Variants in GRIP1 observed in about 807,000 individuals in gnomAD.
The protein encoded by GRIP1 is glutamate receptor interacting protein 1, also known as glutamate receptor-interacting protein 1.
GRIP1 carries 45 observed loss-of-function variants against 129.9 expected under a neutral mutation model. That is an observed-to-expected ratio of 0.35 (90% CI 0.27 to 0.44). The LOEUF (loss-of-function observed/expected upper bound fraction) is 0.44. Ranked by LOEUF, GRIP1 falls within the 20% of genes least tolerant of loss-of-function variation. GRIP1 has a pLI of 1.00. For synonymous variants in GRIP1, 530 were observed against 520.8 expected (o/e 1.02, Z -0.24); for missense variants, 1,196 against 1,396.8 (o/e 0.86, Z 2.29).
At chr12:66,749,116 C>A (rs747838565) in intron 1 of GRIP1, among the ~76,000 whole-genome samples, 2 of 152,144 alleles carry the variant, frequency 1.3e-5, no homozygotes, top group Admixed American at 6.6e-5. Context: ...TTATAGAACC[C>A]CTGATTTTAG....
chr12:66,706,103 TCA>T (rs2136375908), intron 1 of GRIP1, among the ~76,000 whole-genome samples: 3 of 152,216 alleles, frequency 2.0e-5, no homozygotes, highest in South Asian at 2.1e-4. Context: ...GAAACTAGCA[TCA>T]GAGTGAACAA....
intron 1 of GRIP1, among the ~76,000 whole-genome samples, chr12:66,612,269 G>C (rs549783696): frequency 1.3e-5 from 2 of 152,162 alleles, no homozygotes; most frequent in Admixed American, 1.3e-4. Context: ...ACACACCTAG[G>C]CTATATATTA....
rs1032449052 is a variant in GRIP1 at position 66,574,933 on chromosome 12, A to AT, written c.136+21913dup. Among the ~76,000 whole-genome samples, 644 of 147,086 alleles carry AT rather than the reference A, an allele frequency of 4.4e-3. 3 individuals carry two copies. The highest frequency in any genetic ancestry group is 5.7e-3 in the Non-Finnish European group (382 of 66,548). On this transcript the variant is annotated intron_variant, in intron 2 of 24. Coordinates refer to ENST00000359742, the MANE Select transcript of GRIP1 (RefSeq NM_001366722.1). ...AGGCACCCAGCCACCATGCCCAGCT[A>AT]TTTTTTTTTTCTATTTTTAATAGAG... is the stretch of plus-strand genomic sequence containing the variant.
chr12:67,066,433 A>C (rs1265077059), intron 1 of GRIP1, among the ~76,000 whole-genome samples: 1 of 152,208 alleles, frequency 6.6e-6, no homozygotes, highest in East Asian at 1.9e-4. Context: ...TAAAATCTAC[A>C]TGAAAAAAAT....
At chr12:66,459,284 C>G (rs1434876255) in intron 9 of GRIP1, among the ~76,000 whole-genome samples, 3 of 152,200 alleles carry the variant, frequency 2.0e-5, no homozygotes, top group African/African-American at 7.2e-5. Context: ...GGAGATGTCC[C>G]TAATGGATTC....
intron 1 of GRIP1, among the ~76,000 whole-genome samples, chr12:66,848,178 C>A (rs1040077103): frequency 6.6e-6 from 1 of 151,990 alleles, no homozygotes; most frequent in African/African-American, 2.4e-5. Flanking sequence ...ATTTCTAAAT[C>A]TTTAATCATT....
At chr12:66,772,206 G>T (rs2037841704) in intron 1 of GRIP1, among the ~76,000 whole-genome samples, 1 of 152,166 alleles carries the variant, frequency 6.6e-6, no homozygotes, top group South Asian at 2.1e-4. Flanking sequence ...ATGTAAACCT[G>T]GTCCTGTGAT....
chr12:66,422,191 T>C (rs1041711439), intron 14 of GRIP1, among the ~76,000 whole-genome samples: 3 of 152,202 alleles, frequency 2.0e-5, no homozygotes, highest in East Asian at 1.9e-4. Flanking sequence ...CTTAATATCT[T>C]AACACAACAT....
At position 66,782,069 on chromosome 12, in the gene GRIP1, C is replaced by T. The variant is rs79899232; in HGVS notation, c.-420+21984G>A. On this transcript the variant is annotated intron_variant, in intron 1 of 4. Coordinates refer to the GRIP1 transcript ENST00000538373. Reference sequence around the variant, plus strand: ...AAGAATTAGTGACTAGAAGGAGAGGCATAAAGGGAATTTTGAGGTGCTGGC... The same window carrying T: ...AAGAATTAGTGACTAGAAGGAGAGGTATAAAGGGAATTTTGAGGTGCTGGC... Among the ~76,000 whole-genome samples the T allele has an allele frequency of 6.6e-5, 10 of 152,212 alleles. No homozygotes were observed. In the East Asian group the frequency reaches 1.2e-3, roughly 18 times the overall value.
chr12:66,998,335 T>C (rs1344237842), intron 1 of GRIP1, among the ~76,000 whole-genome samples: 1 of 152,136 alleles, frequency 6.6e-6, no homozygotes, highest in Non-Finnish European at 1.5e-5. Flanking sequence ...CATAGGGAAG[T>C]TGGAATTTCT....
intron 1 of GRIP1, among the ~76,000 whole-genome samples, chr12:67,050,882 G>A (rs957450990): frequency 2.0e-5 from 3 of 152,138 alleles, no homozygotes; most frequent in Admixed American, 6.6e-5. Context: ...GCAGGTACCA[G>A]TTTTCACAGA....
At chr12:67,028,766 A>G (rs1592488210) in intron 1 of GRIP1, among the ~76,000 whole-genome samples, 2 of 152,320 alleles carry the variant, frequency 1.3e-5, no homozygotes, top group Non-Finnish European at 2.9e-5. Flanking sequence ...TGTATACTAC[A>G]GTCCTAGGAA....
At chr12:66,828,916 A>G (rs1204137796) in intron 1 of GRIP1, among the ~76,000 whole-genome samples, 4 of 152,200 alleles carry the variant, frequency 2.6e-5, no homozygotes, top group Non-Finnish European at 4.4e-5. Context: ...AGCATTCAAC[A>G]AAGACAGCCA....
At chr12:66,527,190 G>T (rs1416155803) in intron 5 of GRIP1, among the ~76,000 whole-genome samples, 1 of 149,508 alleles carries the variant, frequency 6.7e-6, no homozygotes, top group Non-Finnish European at 1.5e-5. Flanking sequence ...ATACCCAAAG[G>T]ATTATAAATC....
intron 1 of GRIP1, among the ~76,000 whole-genome samples, chr12:66,959,242 CAAT>C (rs1254100256): frequency 1.3e-5 from 2 of 152,086 alleles, no homozygotes; most frequent in Non-Finnish European, 2.9e-5. Context: ...CCTTTTTAAA[CAAT>C]AACTTTCATA....
chr12:66,726,283 G>A (rs796926734), intron 1 of GRIP1, among the ~76,000 whole-genome samples: 2 of 152,124 alleles, frequency 1.3e-5, no homozygotes, highest in African/African-American at 4.8e-5. Context: ...AATGAATAAA[G>A]ATCAAACTAT....
rs2058568306 is a variant in GRIP1 at position 66,444,567 on chromosome 12, A to ACTCTGTCACTGACTT, written c.1687+16_1687+17insAAGTCAGTGACAGAG. 6.2e-7 allele frequency: 1 copy of ACTCTGTCACTGACTT among 1,607,022 alleles called. No homozygotes were observed. Among genetic ancestry groups the ACTCTGTCACTGACTT allele is most frequent in the African/African-American group, 1.3e-5 (1 of 74,676 alleles). ...ATAACTCACATGCAGTCCACTCCTG[A>ACTCTGTCACTGACTT]GATGATATGATTATACCTGCAACAT... On this transcript the variant is annotated intron_variant, in intron 13 of 24. Coordinates refer to ENST00000359742, the MANE Select transcript of GRIP1 (RefSeq NM_001366722.1).
rs149928996 is a variant in GRIP1, at chr12:66,919,979, A to G, written c.58+149071T>C. 3.1e-3 allele frequency among the ~76,000 whole-genome samples: 466 copies of G among 152,340 alleles called. 4 individuals carry two copies. The highest frequency in any genetic ancestry group is 0.011 in the African/African-American group (439 of 41,580). On this transcript the variant is annotated intron_variant, in intron 1 of 1. Coordinates refer to the GRIP1 transcript ENST00000643019. ...TAAGAAGGGCTAAGAAGGGCAGATT[A>G]ACTAGAAATATTTAAAAAGCAAATA...
chr12:66,531,766 G>A (rs527880337), intron 4 of GRIP1, among the ~76,000 whole-genome samples: 1 of 151,934 alleles, frequency 6.6e-6, no homozygotes, highest in Non-Finnish European at 1.5e-5. Context: ...GGCCCAACAA[G>A]CCACTTGAAG....
Sources: gnomAD v4.1 joint callset for allele counts (sites outside exome capture counted in the v4.1 genomes callset) on GRCh38, gnomAD v4.1.1 for gene constraint, MANE v1.5 for transcripts, NCBI Gene and HGNC (gene_info 2026-07-23, HGNC 2026-07-21) for gene names.